PDE11A: variants seen among roughly 807,000 people sequenced by gnomAD.
PDE11A encodes phosphodiesterase 11A, also known as dual 3',5'-cyclic-AMP and -GMP phosphodiesterase 11A.
In PDE11A, 100 loss-of-function variants were observed where a neutral mutation model predicts 100.5. The ratio of observed to expected loss-of-function variants is 1.00; its 90% CI spans 0.85 to 1.18. The LOEUF is 1.18. Ranked by LOEUF, PDE11A falls within the 50% of genes most tolerant of loss-of-function variation. The probability of loss-of-function intolerance (pLI) is 0.00; values close to 1 mark genes in which losing one functional copy is unlikely to be tolerated. For synonymous variants in PDE11A, 381 were observed against 420.8 expected (o/e 0.91, Z 1.16); for missense variants, 1,141 against 1,152.6 (o/e 0.99, Z 0.15).
At chr2:178,091,261 G>A in intron 2 of PDE11A, among the ~76,000 whole-genome samples, 1 of 151,984 alleles carries the variant, frequency 6.6e-6, no homozygotes, top group East Asian at 1.9e-4. Flanking sequence ...TGCAGAGATA[G>A]GGTTTCACCA....
intron 16 of PDE11A, among the ~76,000 whole-genome samples, chr2:177,678,425 C>T (rs2080812477): frequency 6.6e-6 from 1 of 152,082 alleles, no homozygotes; most frequent in Non-Finnish European, 1.5e-5. Flanking sequence ...TTATTTGAAG[C>T]TTTCATATCA....
At chr2:177,876,517 G>A (rs1233631682) in intron 4 of PDE11A, among the ~76,000 whole-genome samples, 2 of 148,240 alleles carry the variant, frequency 1.3e-5, no homozygotes, top group Non-Finnish European at 3.0e-5. Context: ...TATGTTGAGG[G>A]GGAATTTATG....
chr2:177,862,309 T>C (rs563776343), intron 5 of PDE11A, among the ~76,000 whole-genome samples: 1 of 151,750 alleles, frequency 6.6e-6, no homozygotes, highest in Non-Finnish European at 1.5e-5. Context: ...AAAAGATGCA[T>C]AACATTGTTA....
At chr2:177,733,009 G>T (rs1448562300) in intron 10 of PDE11A, among the ~76,000 whole-genome samples, 2 of 152,218 alleles carry the variant, frequency 1.3e-5, no homozygotes, top group East Asian at 1.9e-4. Flanking sequence ...AAGCATAAAA[G>T]ATTTGGGAAT....
Position 178,037,424 on chromosome 2 carries a change from G to A in PDE11A, c.913-22964C>T, listed in dbSNP as rs577788264. Among the ~76,000 whole-genome samples the A allele has an allele frequency of 3.9e-5, 6 of 152,298 alleles. No individual in the cohort carries two copies. In the South Asian group the frequency reaches 1.2e-3, roughly 32 times the overall value. The stretch of plus-strand genomic sequence containing the variant: ...AGAAACACGTTTACACCATTGGTGG[G>A]AGTGTAAATTAGTTCAACCATTGTG... On this transcript the variant is annotated intron_variant, in intron 1 of 19. Coordinates refer to ENST00000286063, the MANE Select transcript of PDE11A (RefSeq NM_016953.4).
At chr2:177,668,991 C>A (rs1399967212) in intron 18 of PDE11A, among the ~76,000 whole-genome samples, 1 of 152,120 alleles carries the variant, frequency 6.6e-6, no homozygotes, top group Non-Finnish European at 1.5e-5. Flanking sequence ...GCAGATAAGT[C>A]CAATATAAAT....
intron 2 of PDE11A, chr2:178,092,492 T>C (rs2087435742): frequency 6.6e-6 from 1 of 152,234 alleles, no homozygotes; most frequent in African/African-American, 2.4e-5. Flanking sequence ...GCTTATAACA[T>C]ATTTCCGAAG....
At chr2:177,798,634 T>A (rs2082739888) in intron 9 of PDE11A, among the ~76,000 whole-genome samples, 1 of 152,174 alleles carries the variant, frequency 6.6e-6, no homozygotes, top group South Asian at 2.1e-4. Flanking sequence ...ATTACCTTAC[T>A]GGATTCTGGT....
intron 2 of PDE11A, among the ~76,000 whole-genome samples, chr2:177,963,067 C>T (rs1222032917): frequency 1.3e-5 from 2 of 152,144 alleles, no homozygotes; most frequent in African/African-American, 4.8e-5. Flanking sequence ...CCTGTGCCTT[C>T]TGTAGGAAAA....
chr2:177,908,985 C>T (rs897574754), intron 2 of PDE11A, among the ~76,000 whole-genome samples: 14 of 152,246 alleles, frequency 9.2e-5, no homozygotes, highest in African/African-American at 3.4e-4. Flanking sequence ...TCATCTACCC[C>T]ACTGTGTCCG....
At chr2:178,088,901 T>G (rs977982575) in intron 2 of PDE11A, among the ~76,000 whole-genome samples, 9 of 152,258 alleles carry the variant, frequency 5.9e-5, no homozygotes, top group African/African-American at 1.9e-4. Context: ...TTCCAGACTT[T>G]AACAACTTGA....
intron 1 of PDE11A, among the ~76,000 whole-genome samples, chr2:178,055,552 T>C (rs1325960132): frequency 6.6e-6 from 1 of 152,158 alleles, no homozygotes; most frequent in Non-Finnish European, 1.5e-5. Context: ...ATTCAAATAT[T>C]GGAAACATCA....
chr2:177,947,019 G>A (rs866786102), intron 2 of PDE11A, among the ~76,000 whole-genome samples: 1,598 of 107,350 alleles, frequency 0.015, 8 homozygotes, highest in Non-Finnish European at 0.023. Flanking sequence ...GGTGGGGGGG[G>A]TCAGCCCCCC....
chr2:178,000,695 C>G (rs190999966), intron 2 of PDE11A, among the ~76,000 whole-genome samples: 139 of 152,268 alleles, frequency 9.1e-4, no homozygotes, highest in Non-Finnish European at 1.3e-3. Context: ...ATTTCTAACT[C>G]TCTGTTAGTT....
intron 2 of PDE11A, among the ~76,000 whole-genome samples, chr2:178,097,476 C>T (rs992336844): frequency 1.3e-5 from 2 of 152,082 alleles, no homozygotes; most frequent in Non-Finnish European, 2.9e-5. Context: ...CTCGTGAGAA[C>T]TCAAAGACTG....
In PDE11A at chr2:177,784,424, C is replaced by T. The variant is rs912519714; in HGVS notation, c.1738-15051G>A. Reference sequence around the variant, plus strand: ...CTGAAACTACCCTATATGATCTAAACGGGAGAGGATCCCTCAATTCTGGGA... The same window carrying T: ...CTGAAACTACCCTATATGATCTAAATGGGAGAGGATCCCTCAATTCTGGGA... On this transcript the variant is annotated intron_variant, in intron 9 of 19. Transcript: ENST00000286063. 1.2e-4 allele frequency among the ~76,000 whole-genome samples: 19 copies of T among 152,080 alleles called. No homozygotes were observed. In the East Asian group the frequency reaches 2.9e-3, roughly 23 times the overall value.
At chr2:178,021,192 C>T (rs1041232785) in intron 1 of PDE11A, among the ~76,000 whole-genome samples, 1 of 152,006 alleles carries the variant, frequency 6.6e-6, no homozygotes, top group South Asian at 2.1e-4. Flanking sequence ...GAACTCCTGA[C>T]CTCAAGTGAT....
chr2:177,972,796 C>T (rs975427797), intron 2 of PDE11A, among the ~76,000 whole-genome samples: 5 of 152,236 alleles, frequency 3.3e-5, no homozygotes, highest in South Asian at 4.1e-4. Flanking sequence ...TCCTACCAGA[C>T]GCCCTTCTCT....
intron 1 of PDE11A, among the ~76,000 whole-genome samples, chr2:178,016,800 A>T (rs936721536): frequency 1.4e-4 from 22 of 152,164 alleles, no homozygotes; most frequent in Non-Finnish European, 2.9e-5. Context: ...AAGTTCCAAA[A>T]AGTCAAAGGT....
Sources: gnomAD v4.1 joint callset for allele counts (sites outside exome capture counted in the v4.1 genomes callset) on GRCh38, gnomAD v4.1.1 for gene constraint, MANE v1.5 for transcripts, NCBI Gene and HGNC (gene_info 2026-07-23, HGNC 2026-07-21) for gene names.